Variants in CTNNA3 observed in about 807,000 individuals in gnomAD.
CTNNA3 encodes the protein catenin alpha-3.
A neutral mutation model predicts 95.7 loss-of-function variants in CTNNA3; 76 were observed. The ratio of observed to expected loss-of-function variants is 0.79; its 90% CI spans 0.66 to 0.96. CTNNA3 has a LOEUF of 0.96. CTNNA3 is among the 40% of genes least tolerant of loss of function. The probability of loss-of-function intolerance (pLI) is 0.00; values close to 1 mark genes in which losing one functional copy is unlikely to be tolerated. For missense variants in CTNNA3, 1,191 were observed against 1,089.8 expected, an observed-to-expected ratio of 1.09 and a Z score of -1.31; for synonymous variants, 431 against 374.4, an observed-to-expected ratio of 1.15 and a Z score of -1.74.
At chr10:67,633,168 G>A (rs1839201170) in intron 2 of CTNNA3, among the ~76,000 whole-genome samples, 1 of 152,098 alleles carries the variant, frequency 6.6e-6, no homozygotes, top group African/African-American at 2.4e-5. Flanking sequence ...CTCACAGGGT[G>A]GGACCTCCCT....
intron 12 of CTNNA3, among the ~76,000 whole-genome samples, chr10:66,330,574 G>A (rs2092313282): frequency 6.6e-6 from 1 of 152,020 alleles, no homozygotes. Context: ...ATAATCCTCT[G>A]GGTATACACC....
chr10:66,685,188 T>C (rs1297698010), intron 9 of CTNNA3, among the ~76,000 whole-genome samples: 1 of 104,166 alleles, frequency 9.6e-6, no homozygotes. Context: ...CATATATATA[T>C]ACGTGTATAT....
At chr10:67,266,066 A>G (rs1001235472) in intron 5 of CTNNA3, among the ~76,000 whole-genome samples, 1 of 152,168 alleles carries the variant, frequency 6.6e-6, no homozygotes, top group South Asian at 2.1e-4. Flanking sequence ...AGACCAAAAT[A>G]AACAGAGAAA....
At chr10:66,102,945 C>T (rs537371978) in intron 14 of CTNNA3, among the ~76,000 whole-genome samples, 18 of 152,208 alleles carry the variant, frequency 1.2e-4, no homozygotes, top group Non-Finnish European at 2.5e-4. Flanking sequence ...CACTACATGA[C>T]CTGAAATGGA....
intron 10 of CTNNA3, among the ~76,000 whole-genome samples, chr10:66,588,654 T>TTTAG (rs1843442243): frequency 2.6e-5 from 4 of 152,160 alleles, no homozygotes; most frequent in Admixed American, 2.0e-4. Context: ...CTATTTCATT[T>TTTAG]ATCTAATTAT....
intron 1 of CTNNA3, among the ~76,000 whole-genome samples, chr10:67,675,847 T>TTTAA (rs746099906): frequency 6.6e-6 from 1 of 152,182 alleles, no homozygotes; most frequent in African/African-American, 2.4e-5. Flanking sequence ...TTTTCAGTCT[T>TTTAA]TTAATTAATT....
chr10:67,391,750 G>A lies in CTNNA3; in HGVS notation c.579+130092C>T, dbSNP rs1208806955. 8.0e-3 allele frequency among the ~76,000 whole-genome samples: 1,191 copies of A among 148,790 alleles called. 16 individuals carry two copies. Among genetic ancestry groups the A allele is most frequent in the African/African-American group, 0.027 (1,067 of 39,624 alleles). ...GAACAGAGCCCTCAGAAATAACGCC[G>A]CATATCTACAACTATCTGATCTTTG... On this transcript the variant is annotated intron_variant, in intron 5 of 17. Coordinates refer to ENST00000433211, the MANE Select transcript of CTNNA3 (RefSeq NM_013266.4).
At chr10:67,348,699 A>T (rs1284964819) in intron 5 of CTNNA3, among the ~76,000 whole-genome samples, 4 of 152,170 alleles carry the variant, frequency 2.6e-5, no homozygotes, top group Non-Finnish European at 5.9e-5. Flanking sequence ...GACAGCACCA[A>T]GATTTTCATA....
chr10:66,659,206 AC>A (rs1846172324), intron 9 of CTNNA3, among the ~76,000 whole-genome samples: 1 of 151,984 alleles, frequency 6.6e-6, no homozygotes, highest in Non-Finnish European at 1.5e-5. Context: ...ACACACACAC[AC>A]ACACACACAC....
intron 5 of CTNNA3, among the ~76,000 whole-genome samples, chr10:67,460,513 A>C (rs1353913688): frequency 6.6e-6 from 1 of 152,236 alleles, no homozygotes; most frequent in African/African-American, 2.4e-5. Context: ...TACTGCAATT[A>C]GTAAAAATTA....
At chr10:67,443,293 T>C (rs1258156882) in intron 5 of CTNNA3, among the ~76,000 whole-genome samples, 3 of 149,690 alleles carry the variant, frequency 2.0e-5, no homozygotes, top group Non-Finnish European at 4.4e-5. Flanking sequence ...TGATTTATAG[T>C]CCTTTGGGTA....
chr10:67,353,448 A>T (rs1842706424), intron 5 of CTNNA3, among the ~76,000 whole-genome samples: 1 of 150,608 alleles, frequency 6.6e-6, no homozygotes, highest in Admixed American at 6.7e-5. Context: ...ATTGTATTTT[A>T]AAAGTACCAT....
chr10:67,511,954 T>C (rs1839649161), intron 5 of CTNNA3, among the ~76,000 whole-genome samples: 1 of 152,234 alleles, frequency 6.6e-6, no homozygotes, highest in African/African-American at 2.4e-5. Context: ...ATTTATCCAT[T>C]TCTTCTAGAT....
chr10:66,061,688 C>A (rs572947202), intron 15 of CTNNA3, among the ~76,000 whole-genome samples: 3 of 151,896 alleles, frequency 2.0e-5, no homozygotes, highest in African/African-American at 7.3e-5. Context: ...CCTAAATGGA[C>A]GTGACTCATT....
intron 9 of CTNNA3, among the ~76,000 whole-genome samples, chr10:66,712,592 C>CCT (rs779653367): frequency 0.013 from 1,912 of 149,222 alleles, 50 homozygotes; most frequent in African/African-American, 0.04. Context: ...ACTCTCTCTC[C>CCT]CTCTCTCTCT....
intron 12 of CTNNA3, among the ~76,000 whole-genome samples, chr10:66,294,194 C>T (rs1364937324): frequency 2.6e-5 from 4 of 152,134 alleles, no homozygotes; most frequent in African/African-American, 9.7e-5. Context: ...TTTACTTTTT[C>T]TAAAGCCTAT....
In CTNNA3 at chr10:66,330,829, G is replaced by C. The variant is rs577038350; in HGVS notation, c.1732+48323C>G. Among the ~76,000 whole-genome samples the C allele has an allele frequency of 5.6e-3, 678 of 120,846 alleles. 6 individuals are homozygous for C. The highest frequency in any genetic ancestry group is 0.017 in the African/African-American group (653 of 38,316). The allele number at this position is 120,846 out of a possible 152,430, so 79.3% of individuals were successfully genotyped here. On this transcript the variant is annotated intron_variant, in intron 12 of 17. Coordinates refer to ENST00000433211, the MANE Select transcript of CTNNA3 (RefSeq NM_013266.4). The stretch of plus-strand genomic sequence containing the variant: ...CATTTCTCTGATGGCCAGTGATGAT[G>C]AGCATTTTTTCATGTGTTTTTCGGC...
At chr10:67,441,660 A>T (rs1846522611) in intron 5 of CTNNA3, among the ~76,000 whole-genome samples, 1 of 152,170 alleles carries the variant, frequency 6.6e-6, no homozygotes, top group African/African-American at 2.4e-5. Flanking sequence ...GGTATTACAT[A>T]TCTAAAGTGC....
At chr10:67,100,189 G>A (rs1858259808) in intron 7 of CTNNA3, among the ~76,000 whole-genome samples, 1 of 151,564 alleles carries the variant, frequency 6.6e-6, no homozygotes, top group Non-Finnish European at 1.5e-5. Flanking sequence ...TTTCCTGAAG[G>A]AAACCACTTT....
Sources: gnomAD v4.1 joint callset for allele counts (sites outside exome capture counted in the v4.1 genomes callset) on GRCh38, gnomAD v4.1.1 for gene constraint, MANE v1.5 for transcripts, NCBI Gene and HGNC (gene_info 2026-07-23, HGNC 2026-07-21) for gene names.